Variants in ERC1 observed in about 807,000 individuals in gnomAD.
ERC1 encodes the protein RAB6 interacting protein 2.
A neutral mutation model predicts 132.0 loss-of-function variants in ERC1; 56 were observed. The observed-to-expected ratio is 0.42, with a 90% CI of 0.34 to 0.53. The LOEUF (loss-of-function observed/expected upper bound fraction) is 0.53, where lower values mean the gene tolerates loss of function less well. ERC1 is among the 20% of genes least tolerant of loss of function. ERC1 has a pLI of 0.03. For missense variants in ERC1, 1,202 were observed against 1,349.9 expected (o/e 0.89, Z 1.72); for synonymous variants, 478 against 476.1 (o/e 1.00, Z -0.05).
chr12:1,131,628 A>G (rs1230787024), intron 7 of ERC1, among the ~76,000 whole-genome samples: 1 of 17,182 alleles, frequency 5.8e-5, no homozygotes, highest in Non-Finnish European at 4.1e-3. Context: ...CACCCAGCTA[A>G]TTTTTTTGTA....
At chr12:1,337,452 C>T (rs1285613959) in intron 15 of ERC1, among the ~76,000 whole-genome samples, 1 of 151,762 alleles carries the variant, frequency 6.6e-6, no homozygotes, top group African/African-American at 2.4e-5. Context: ...CGAAATGGGC[C>T]TCTTGAAGAT....
At chr12:1,443,200 A>G (rs2093209061) in intron 17 of ERC1, 1 of 152,120 alleles carries the variant, frequency 6.6e-6, no homozygotes, top group Non-Finnish European at 1.5e-5. Flanking sequence ...CACCCGGCCA[A>G]ATAATTACTT....
chr12:1,392,349 ACT>A (rs1430263415), intron 16 of ERC1, among the ~76,000 whole-genome samples: 1 of 152,200 alleles, frequency 6.6e-6, no homozygotes, highest in African/African-American at 2.4e-5. Flanking sequence ...TTGAAGGAAG[ACT>A]TAAGCAAACT....
At chr12:1,172,822 G>T (rs2154266623) in intron 8 of ERC1, among the ~76,000 whole-genome samples, 1 of 152,088 alleles carries the variant, frequency 6.6e-6, no homozygotes, top group East Asian at 1.9e-4. Flanking sequence ...ATGTTTTATT[G>T]TCAGGTCCTC....
At chr12:1,476,688 AT>A (rs1333344614) in intron 18 of ERC1, among the ~76,000 whole-genome samples, 1 of 152,196 alleles carries the variant, frequency 6.6e-6, no homozygotes, top group Admixed American at 6.5e-5. Context: ...TATGGGCTGA[AT>A]ATCAGTACAG....
chr12:1,405,169 AAATAAATAAATAT>A (rs1376753490), intron 16 of ERC1, among the ~76,000 whole-genome samples: 2 of 148,730 alleles, frequency 1.3e-5, no homozygotes, highest in Admixed American at 6.7e-5. Context: ...ATAAATAAAT[AAATAAATAAATAT>A]AAATAAAATA....
intron 12 of ERC1, among the ~76,000 whole-genome samples, chr12:1,209,381 A>G (rs1957651292): frequency 1.3e-5 from 2 of 150,268 alleles, no homozygotes; most frequent in South Asian, 2.1e-4. Context: ...TCATGTAGCA[A>G]TGTTTGGGAT....
intron 8 of ERC1, among the ~76,000 whole-genome samples, chr12:1,147,240 G>T (rs892313861): frequency 8.5e-5 from 13 of 152,292 alleles, no homozygotes; most frequent in Admixed American, 4.6e-4. Context: ...CCCCCGTTCA[G>T]CATAATGTTG....
intron 7 of ERC1, among the ~76,000 whole-genome samples, chr12:1,129,168 G>T (rs1158675721): frequency 6.6e-6 from 1 of 152,168 alleles, no homozygotes; most frequent in Admixed American, 6.5e-5. Context: ...TGGAACCATA[G>T]ATAAACTAAT....
chr12:1,354,243 G>T (rs1168724718), intron 15 of ERC1, among the ~76,000 whole-genome samples: 1 of 152,018 alleles, frequency 6.6e-6, no homozygotes, highest in African/African-American at 2.4e-5. Context: ...CTTAGTTAAG[G>T]CCAGGTGTGG....
chr12:1,291,151 G>A (rs1224229662), intron 15 of ERC1, among the ~76,000 whole-genome samples: 1 of 152,174 alleles, frequency 6.6e-6, no homozygotes, highest in Non-Finnish European at 1.5e-5. Flanking sequence ...TATTGTGACT[G>A]CAACCCAAGA....
At chr12:1,185,004 G>A (rs1362718187) in intron 11 of ERC1, among the ~76,000 whole-genome samples, 4 of 152,100 alleles carry the variant, frequency 2.6e-5, no homozygotes, top group East Asian at 1.9e-4. Context: ...TCCGCCTCCC[G>A]GTCTCAGGTG....
chr12:1,173,849 T>A (rs545407968), intron 8 of ERC1, among the ~76,000 whole-genome samples: 1 of 152,334 alleles, frequency 6.6e-6, no homozygotes, highest in South Asian at 2.1e-4. Flanking sequence ...ATGGGAGCCT[T>A]CAGTGGGGCT....
intron 15 of ERC1, among the ~76,000 whole-genome samples, chr12:1,292,856 T>C (rs893671314): frequency 1.3e-5 from 2 of 150,318 alleles, no homozygotes; most frequent in Admixed American, 1.3e-4. Flanking sequence ...ACTGAAAATA[T>C]AAAAAATTGG....
At chr12:1,236,627 G>T in intron 12 of ERC1, 142 bp from the exon 13 acceptor site, 1 of 748,316 alleles carries the variant, frequency 1.3e-6, no homozygotes, top group Non-Finnish European at 2.1e-6. Context: ...AACGAATTTG[G>T]AATTGTTGAA....
intron 8 of ERC1, among the ~76,000 whole-genome samples, chr12:1,148,838 A>G (rs1005628988): frequency 6.6e-6 from 1 of 152,090 alleles, no homozygotes; most frequent in African/African-American, 2.4e-5. Context: ...CTGACCTCAG[A>G]TGATCCTCCC....
intron 16 of ERC1, among the ~76,000 whole-genome samples, chr12:1,401,757 A>AG (rs1338040546): frequency 6.6e-6 from 1 of 151,602 alleles, no homozygotes; most frequent in Admixed American, 6.6e-5. Flanking sequence ...GTAAAAAAAA[A>AG]AAAAAAAAAG....
intron 16 of ERC1, among the ~76,000 whole-genome samples, chr12:1,398,469 G>C (rs769699262): frequency 6.6e-6 from 1 of 152,184 alleles, no homozygotes; most frequent in Non-Finnish European, 1.5e-5. Context: ...AGTAAACCCA[G>C]TCTTCAAGAC....
chr12:999,575 G>A (rs1386293665), intron 1 of ERC1, among the ~76,000 whole-genome samples: 1 of 148,702 alleles, frequency 6.7e-6, no homozygotes, highest in African/African-American at 2.5e-5. Flanking sequence ...TGCATCCTCT[G>A]CCAGGTTGCA....
Sources: gnomAD v4.1 joint callset for allele counts (sites outside exome capture counted in the v4.1 genomes callset) on GRCh38, gnomAD v4.1.1 for gene constraint, MANE v1.5 for transcripts, NCBI Gene and HGNC (gene_info 2026-07-23, HGNC 2026-07-21) for gene names.